ZNF813: variants seen among roughly 807,000 people sequenced by gnomAD.
ZNF813 encodes the protein zinc finger protein 813.
Under a neutral mutation model 7.2 loss-of-function variants are expected in ZNF813, and 3 were observed. The observed-to-expected ratio is 0.42, with a 90% CI of 0.19 to 1.08. The LOEUF is 1.08. ZNF813 is among the 50% of genes least tolerant of loss of function. The pLI, the probability that ZNF813 is intolerant of heterozygous loss-of-function variation, is 0.30. For synonymous variants in ZNF813, 227 were observed against 256.3 expected, an observed-to-expected ratio of 0.89 and a Z score of 1.09; for missense variants, 714 against 753.3, an observed-to-expected ratio of 0.95 and a Z score of 0.61.
intron 2 of ZNF813, among the ~76,000 whole-genome samples, chr19:53,484,492 G>T (rs2086423637): frequency 6.6e-6 from 1 of 152,190 alleles, no homozygotes; most frequent in Non-Finnish European, 1.5e-5. Flanking sequence ...GGTTACTGTG[G>T]AGAGGCTTGT....
intron 1 of ZNF813, among the ~76,000 whole-genome samples, chr19:53,480,331 C>T (rs1350245039): frequency 1.3e-5 from 2 of 151,180 alleles, no homozygotes; most frequent in Non-Finnish European, 2.9e-5. Context: ...GAATGTGAGC[C>T]CAATGCATGT....
At chr19:53,475,980 A>G (rs967791363) in intron 1 of ZNF813, among the ~76,000 whole-genome samples, 3 of 152,124 alleles carry the variant, frequency 2.0e-5, no homozygotes, top group Admixed American at 6.5e-5. Context: ...CGACTTAGCC[A>G]TCAGTGAACA....
At chr19:53,481,341 A>ATTTTTTTTTTT (rs1180229389) in intron 1 of ZNF813, among the ~76,000 whole-genome samples, 22 of 89,174 alleles carry the variant, frequency 2.5e-4, no homozygotes, top group African/African-American at 4.2e-4. Flanking sequence ...GCACCCATGT[A>ATTTTTTTTTTT]TTCTTTTTTT....
chr19:53,481,901 C>T (rs956582013), intron 1 of ZNF813, among the ~76,000 whole-genome samples: 17 of 152,112 alleles, frequency 1.1e-4, no homozygotes, highest in African/African-American at 4.1e-4. Flanking sequence ...AAGACCAACC[C>T]TTCCCATTAG....
In ZNF813 at chr19:53,492,385, G is replaced by T; in HGVS notation, c.*299G>T. ...TGGAGAGAAAGCTTACAAAGGTGAA[G>T]AATATCACAGAGTTTTCAGTCACAA... is the stretch of plus-strand genomic sequence containing the variant. On this transcript the variant is annotated 3_prime_UTR_variant, in exon 4 of 4. Coordinates refer to ENST00000396403, the MANE Select transcript of ZNF813 (RefSeq NM_001004301.4). 2.0e-6 allele frequency: 1 copy of T among 508,272 alleles called. No individual in the cohort carries two copies. Among genetic ancestry groups the T allele is most frequent in the Non-Finnish European group, 3.6e-6 (1 of 278,638 alleles). The allele number at this position is 508,272 out of a possible 1,614,324, so 31.5% of individuals were successfully genotyped here. A position where few individuals can be genotyped will look rare whatever the true frequency, so the allele number is the denominator to read the frequency against.
At chr19:53,483,154 C>A (rs1329098655) in intron 1 of ZNF813, among the ~76,000 whole-genome samples, 2 of 151,936 alleles carry the variant, frequency 1.3e-5, no homozygotes, top group Non-Finnish European at 1.5e-5. Flanking sequence ...AAGTAATGCA[C>A]CCTCCTTGGC....
chr19:53,487,959 A>C lies in ZNF813; in HGVS notation c.142+1201A>C, dbSNP rs140887695. Among the ~76,000 whole-genome samples the C allele has an allele frequency of 5.3e-5, 8 of 152,272 alleles. No homozygotes were observed. The East Asian group carries it at 1.5e-3, about 29-fold the overall frequency. On this transcript the variant is annotated intron_variant, in intron 3 of 3. Transcript: ENST00000396403. ...CTTTTAAATAATAGAAAAAAAGTTG[A>C]ATTATGAAGAAAAGGTACACTTACA...
At chr19:53,476,234 G>T (rs1291427607) in intron 1 of ZNF813, among the ~76,000 whole-genome samples, 1 of 152,208 alleles carries the variant, frequency 6.6e-6, no homozygotes, top group Non-Finnish European at 1.5e-5. Flanking sequence ...AGTCCTCTTA[G>T]ATTGGGGCCG....
At chr19:53,481,844 C>T (rs968276799) in intron 1 of ZNF813, among the ~76,000 whole-genome samples, 3 of 152,118 alleles carry the variant, frequency 2.0e-5, no homozygotes, top group African/African-American at 7.2e-5. Flanking sequence ...TTCTTTAGCC[C>T]AGGCATATGA....
At chr19:53,478,235 T>A (rs759791881) in intron 1 of ZNF813, among the ~76,000 whole-genome samples, 4 of 152,130 alleles carry the variant, frequency 2.6e-5, no homozygotes, top group African/African-American at 7.2e-5. Context: ...TGCAGCATGA[T>A]CTCTTCTAAC....
intron 1 of ZNF813, chr19:53,479,349 C>T (rs1356224503): frequency 5.5e-5 from 88 of 1,590,396 alleles, no homozygotes; most frequent in Non-Finnish European, 7.1e-5. Context: ...GGGTGGGCAC[C>T]ATGGCTGGGA....
intron 2 of ZNF813, among the ~76,000 whole-genome samples, chr19:53,485,789 A>G (rs927928103): frequency 6.6e-6 from 1 of 152,042 alleles, no homozygotes; most frequent in African/African-American, 2.4e-5. Context: ...GCTCACTGCA[A>G]CCTCCACCCT....
chr19:53,471,760 C>T (rs996956794), intron 1 of ZNF813, among the ~76,000 whole-genome samples: 5 of 140,490 alleles, frequency 3.6e-5, no homozygotes, highest in Admixed American at 7.8e-5. Flanking sequence ...TGCAGTGAGC[C>T]GAGATCACGC....
intron 2 of ZNF813, among the ~76,000 whole-genome samples, chr19:53,485,933 C>T (rs1162667000): frequency 6.6e-6 from 1 of 152,092 alleles, no homozygotes; most frequent in Non-Finnish European, 1.5e-5. Flanking sequence ...GATGGAGTCT[C>T]TGTTGCCCAG....
At position 53,490,673 on chromosome 19, in the gene ZNF813, T is replaced by G; in HGVS notation, c.441T>G (p.His147Gln). 6.2e-7 allele frequency: 1 copy of G among 1,614,174 alleles called. No individual in the cohort carries two copies. The highest frequency in any genetic ancestry group is 1.1e-5 in the South Asian group (1 of 91,086). Reference sequence around the variant, plus strand: ...AGCTTGGATCAAGCTTTCATTCGCATCTGCCTGAACTCCACATGTTTCAGA... The same window carrying G: ...AGCTTGGATCAAGCTTTCATTCGCAGCTGCCTGAACTCCACATGTTTCAGA... The part of the protein sequence containing the change: ...KDQLGSSFHS[H>Q]LPELHMFQTQ... The change falls in exon 4 of 4, where the codon CAT becomes CAG. Residue 147 changes from histidine to glutamine, a missense_variant. By Grantham distance (24) the His-to-Gln change is conservative (BLOSUM62 0). This residue lies in a region of ZNF813 where 563 missense variants were observed against 554.2 expected (regional missense o/e 1.02). Coordinates refer to ENST00000396403, the MANE Select transcript of ZNF813 (RefSeq NM_001004301.4).
chr19:53,480,782 AT>A (rs1306400498), intron 1 of ZNF813, among the ~76,000 whole-genome samples: 1 of 152,186 alleles, frequency 6.6e-6, no homozygotes, highest in Non-Finnish European at 1.5e-5. Context: ...CCTCTGGTCC[AT>A]TCTGGACTAA....
At chr19:53,480,511 A>G (rs1000130488) in intron 1 of ZNF813, among the ~76,000 whole-genome samples, 2 of 152,148 alleles carry the variant, frequency 1.3e-5, no homozygotes, top group African/African-American at 2.4e-5. Flanking sequence ...CAATTTCTAA[A>G]TAGTTTCTGT....
intron 1 of ZNF813, among the ~76,000 whole-genome samples, chr19:53,471,250 C>T (rs894566830): frequency 1.4e-4 from 22 of 152,180 alleles, no homozygotes; most frequent in African/African-American, 5.1e-4. Context: ...TCGGTAGGCC[C>T]TTGGTGCACA....
intron 1 of ZNF813, among the ~76,000 whole-genome samples, chr19:53,483,183 T>C (rs965079590): frequency 3.0e-4 from 45 of 151,314 alleles, no homozygotes; most frequent in Non-Finnish European, 5.6e-4. Flanking sequence ...GTGCTAGTAT[T>C]ACAGGCACGA....
Sources: gnomAD v4.1 joint callset for allele counts (sites outside exome capture counted in the v4.1 genomes callset) on GRCh38, gnomAD v4.1.1 for gene constraint, gnomAD v4.1.1 regional missense constraint, MANE v1.5 for transcripts, NCBI Gene and HGNC (gene_info 2026-07-23, HGNC 2026-07-21) for gene names.